The following PABPC4L variants were observed in gnomAD, a reference collection of about 807,000 sequenced individuals.
PABPC4L encodes the protein polyadenylate-binding protein 4-like.
For synonymous variants in PABPC4L, 169 were observed against 164.1 expected, an observed-to-expected ratio of 1.03 and a Z score of -0.23; for missense variants, 452 against 451.4, an observed-to-expected ratio of 1.00 and a Z score of -0.01.
chr4:134,056,333 C>A, the PABPC4L span, among the ~76,000 whole-genome samples: 1 of 151,864 alleles, frequency 6.6e-6, no homozygotes, highest in African/African-American at 2.4e-5. Flanking sequence ...TTTTGCCTTT[C>A]TACAGAAATA....
At chr4:133,998,523 G>A in the PABPC4L span, among the ~76,000 whole-genome samples, 1 of 152,076 alleles carries the variant, frequency 6.6e-6, no homozygotes, top group Admixed American at 6.6e-5. Context: ...TTGATGAGAT[G>A]TTCCTGTCTT....
chr4:134,108,171 A>T, the PABPC4L span, among the ~76,000 whole-genome samples: 2 of 151,730 alleles, frequency 1.3e-5, no homozygotes, highest in Non-Finnish European at 3.0e-5. Flanking sequence ...ACATATGCAC[A>T]TGTACACATA....
At chr4:133,987,763 A>G in the PABPC4L span, among the ~76,000 whole-genome samples, 1 of 152,328 alleles carries the variant, frequency 6.6e-6, no homozygotes, top group East Asian at 1.9e-4. Flanking sequence ...ATTGCTAATA[A>G]GAAAAAGGAC....
chr4:134,016,753 C>A, the PABPC4L span, among the ~76,000 whole-genome samples: 5 of 152,120 alleles, frequency 3.3e-5, no homozygotes, highest in Non-Finnish European at 7.4e-5. Context: ...TAGAACCTCT[C>A]ATTTCCTTTC....
the PABPC4L span, among the ~76,000 whole-genome samples, chr4:134,018,601 A>G: frequency 2.6e-5 from 4 of 152,072 alleles, no homozygotes; most frequent in Non-Finnish European, 4.4e-5. Flanking sequence ...ATTTGTATAT[A>G]CTATGTTTGG....
At chr4:133,995,239 C>T in the PABPC4L span, among the ~76,000 whole-genome samples, 27 of 152,304 alleles carry the variant, frequency 1.8e-4, no homozygotes, top group Non-Finnish European at 2.8e-4. Context: ...TCTTTTCCCA[C>T]GTTACCTTGG....
At chr4:134,174,287 C>T in the PABPC4L span, among the ~76,000 whole-genome samples, 1 of 151,306 alleles carries the variant, frequency 6.6e-6, no homozygotes, top group African/African-American at 2.4e-5. Flanking sequence ...TTTACAGTTA[C>T]CTTTAAAAAA....
chr4:134,144,051 G>C, the PABPC4L span, among the ~76,000 whole-genome samples: 1 of 151,508 alleles, frequency 6.6e-6, no homozygotes, highest in Non-Finnish European at 1.5e-5. Context: ...TCAGTCAAAG[G>C]CTGAAATAGT....
At chr4:134,012,914 G>A in the PABPC4L span, among the ~76,000 whole-genome samples, 27 of 151,958 alleles carry the variant, frequency 1.8e-4, no homozygotes, top group Non-Finnish European at 3.5e-4. Context: ...AAGGAGACAC[G>A]TTTTACCCGT....
At chr4:134,176,205 A>C in the PABPC4L span, among the ~76,000 whole-genome samples, 1 of 152,124 alleles carries the variant, frequency 6.6e-6, no homozygotes, top group Admixed American at 6.5e-5. Flanking sequence ...TGAAGGTATT[A>C]AATTTTTATT....
chr4:134,117,308 A>C, the PABPC4L span, among the ~76,000 whole-genome samples: 1 of 151,818 alleles, frequency 6.6e-6, no homozygotes, highest in Non-Finnish European at 1.5e-5. Flanking sequence ...ACTTTCTGGA[A>C]CATTCACTTT....
At chr4:134,082,280 G>A in the PABPC4L span, among the ~76,000 whole-genome samples, 2 of 151,972 alleles carry the variant, frequency 1.3e-5, no homozygotes, top group Non-Finnish European at 2.9e-5. Context: ...GTATCTGTGT[G>A]TACATATCTG....
At chr4:134,127,198 C>T in the PABPC4L span, among the ~76,000 whole-genome samples, 1 of 151,994 alleles carries the variant, frequency 6.6e-6, no homozygotes, top group Non-Finnish European at 1.5e-5. Context: ...TCTCTACCTG[C>T]CCTGGTAGCC....
the PABPC4L span, among the ~76,000 whole-genome samples, chr4:134,127,103 T>A: frequency 1.3e-5 from 2 of 151,778 alleles, no homozygotes; most frequent in Non-Finnish European, 1.5e-5. Flanking sequence ...CACACCCCTA[T>A]CCCACCCACA....
chr4:133,992,615 G>A, the PABPC4L span, among the ~76,000 whole-genome samples: 2 of 152,098 alleles, frequency 1.3e-5, no homozygotes, highest in Non-Finnish European at 2.9e-5. Flanking sequence ...TGGGAAGGGG[G>A]TGTCCGCCCA....
the PABPC4L span, among the ~76,000 whole-genome samples, chr4:134,081,601 C>A: frequency 6.6e-6 from 1 of 152,072 alleles, no homozygotes; most frequent in African/African-American, 2.4e-5. Context: ...ATGTTCAAGG[C>A]ACCAGATTGG....
At chr4:133,987,897 T>C in the PABPC4L span, among the ~76,000 whole-genome samples, 17 of 152,158 alleles carry the variant, frequency 1.1e-4, no homozygotes, top group Non-Finnish European at 5.9e-5. Context: ...CTCACAGCAC[T>C]GCAGGGCTAG....
chr4:134,080,974 CTTATT>C, the PABPC4L span, among the ~76,000 whole-genome samples: 1 of 152,072 alleles, frequency 6.6e-6, no homozygotes, highest in South Asian at 2.1e-4. Flanking sequence ...CAAGGGATCA[CTTATT>C]TTATGAGTCA....
the PABPC4L span, among the ~76,000 whole-genome samples, chr4:134,130,611 T>C: frequency 6.6e-6 from 1 of 152,038 alleles, no homozygotes; most frequent in Non-Finnish European, 1.5e-5. Flanking sequence ...TTCAAATAAT[T>C]GGTACCAATC....
Sources: gnomAD v4.1 joint callset for allele counts (sites outside exome capture counted in the v4.1 genomes callset) on GRCh38, gnomAD v4.1.1 for gene constraint, MANE v1.5 for transcripts, NCBI Gene and HGNC (gene_info 2026-07-23, HGNC 2026-07-21) for gene names.